REEP3: variants seen among roughly 807,000 people sequenced by gnomAD.
The protein encoded by REEP3 is receptor accessory protein 3.
Under a neutral mutation model 41.3 loss-of-function variants are expected in REEP3, and 20 were observed. The ratio of observed to expected loss-of-function variants is 0.48; its 90% CI spans 0.34 to 0.70. The LOEUF is 0.70. REEP3 is among the 30% of genes least tolerant of loss of function. The pLI is 0.01. For synonymous variants in REEP3, 104 were observed against 101.8 expected (o/e 1.02, Z -0.13); for missense variants, 271 against 308.8 (o/e 0.88, Z 0.92).
At chr10:63,542,994 G>A (rs535687328) in intron 1 of REEP3, among the ~76,000 whole-genome samples, 62 of 152,022 alleles carry the variant, frequency 4.1e-4, no homozygotes, top group African/African-American at 1.2e-3. Context: ...TTGCTGCCAC[G>A]TTTCTCTATG....
intron 5 of REEP3, among the ~76,000 whole-genome samples, chr10:63,601,761 A>G (rs1175127083): frequency 6.6e-6 from 1 of 152,062 alleles, no homozygotes; most frequent in Admixed American, 6.5e-5. Flanking sequence ...TCTACTAAAA[A>G]TTCAAAAAAA....
intron 6 of REEP3, among the ~76,000 whole-genome samples, chr10:63,613,043 C>G (rs1956287923): frequency 6.6e-6 from 1 of 151,588 alleles, no homozygotes; most frequent in Admixed American, 6.6e-5. Flanking sequence ...ATGGAGTCTA[C>G]CTCTGTCACC....
chr10:63,539,321 A>G (rs1236077766), intron 1 of REEP3, among the ~76,000 whole-genome samples: 2 of 152,352 alleles, frequency 1.3e-5, no homozygotes, highest in East Asian at 3.8e-4. Context: ...ATAAACAGGC[A>G]AAATTTTCTA....
intron 1 of REEP3, among the ~76,000 whole-genome samples, chr10:63,542,908 C>G (rs1488469177): frequency 6.6e-6 from 1 of 152,180 alleles, no homozygotes; most frequent in Non-Finnish European, 1.5e-5. Context: ...GTTCAAGGTA[C>G]AGGATGCCAC....
At position 63,594,795 on chromosome 10, in the gene REEP3, C is replaced by T. The variant is rs374797281; in HGVS notation, c.123C>T (p.Tyr41=). 3 of 1,610,316 alleles carry T rather than the reference C, an allele frequency of 1.9e-6. No homozygotes were observed. The highest frequency in any genetic ancestry group is 2.7e-5 in the African/African-American group (2 of 74,786). ...ATTTCCAGGTTCGATGGATGATGTA[C>T]TGGATTGTTTTTGCTCTCTATACTG... ...NVKEYVRWMM[Y]WIVFALYTVI... The change falls in exon 3 of 8, where the codon TAC becomes TAT. Residue 41 remains tyrosine (Y), a synonymous_variant. Coordinates refer to ENST00000373758, the MANE Select transcript of REEP3 (RefSeq NM_001001330.3).
chr10:63,556,054 C>G (rs1955675508), intron 1 of REEP3, among the ~76,000 whole-genome samples: 1 of 151,880 alleles, frequency 6.6e-6, no homozygotes, highest in Non-Finnish European at 1.5e-5. Flanking sequence ...AAAATGCTAC[C>G]TTGAAAAAAA....
At chr10:63,568,356 T>A (rs1955820045) in intron 2 of REEP3, among the ~76,000 whole-genome samples, 2 of 150,702 alleles carry the variant, frequency 1.3e-5, no homozygotes, top group South Asian at 4.2e-4. Context: ...AAGCTCTACC[T>A]CCCGGGTTCA....
At position 63,558,979 on chromosome 10, in the gene REEP3, T is replaced by C. The variant is rs561936976; in HGVS notation, c.33-7359T>C. Among the ~76,000 whole-genome samples, 105 of 152,308 alleles carry C rather than the reference T, an allele frequency of 6.9e-4. 1 individual carries two copies. Among genetic ancestry groups the C allele is most frequent in the African/African-American group, 2.4e-3 (100 of 41,576 alleles). ...TTGAGTTGTTTTTAGTCCCTTAGTC[T>C]AATAGTACACTGTAATTAATTTTTT... On this transcript the variant is annotated intron_variant, in intron 1 of 7. Coordinates refer to ENST00000373758, the MANE Select transcript of REEP3 (RefSeq NM_001001330.3).
chr10:63,565,176 C>T lies in REEP3; in HGVS notation c.33-1162C>T, dbSNP rs969144376. Among the ~76,000 whole-genome samples the T allele has an allele frequency of 1.2e-4, 18 of 152,336 alleles. 1 individual carries two copies. The highest frequency in any genetic ancestry group is 1.2e-3 in the Admixed American group (18 of 15,300). ...TCAGGAGCCTGAGGCAGGAGAATTG[C>T]TTGTCCCCAGGAGACAGAGGCTGCA... On this transcript the variant is annotated intron_variant, in intron 1 of 7. Coordinates refer to ENST00000373758, the MANE Select transcript of REEP3 (RefSeq NM_001001330.3).
intron 1 of REEP3, among the ~76,000 whole-genome samples, 175 bp from the exon 2 acceptor site, chr10:63,566,163 C>T (rs1955796863): frequency 6.6e-6 from 1 of 152,050 alleles, no homozygotes; most frequent in African/African-American, 2.4e-5. Context: ...GGATTACAGG[C>T]GTGAGCCACT....
At chr10:63,587,606 A>G (rs1209285319) in intron 2 of REEP3, among the ~76,000 whole-genome samples, 1 of 152,222 alleles carries the variant, frequency 6.6e-6, no homozygotes, top group Non-Finnish European at 1.5e-5. Context: ...CATTTCATCA[A>G]GAAGTTCTCC....
intron 2 of REEP3, among the ~76,000 whole-genome samples, chr10:63,586,648 C>A (rs768466419): frequency 4.6e-5 from 7 of 152,096 alleles, no homozygotes; most frequent in South Asian, 2.1e-4. Flanking sequence ...AAATTATAAT[C>A]TCACTTGTTA....
At chr10:63,552,597 C>A (rs1564476539) in intron 1 of REEP3, among the ~76,000 whole-genome samples, 1 of 152,166 alleles carries the variant, frequency 6.6e-6, no homozygotes, top group Non-Finnish European at 1.5e-5. Flanking sequence ...CAGAACAGTG[C>A]CCTCATGATG....
In REEP3 at chr10:63,623,938, T is replaced by C. The variant is rs546314866; in HGVS notation, c.*3069T>C. On this transcript the variant is annotated 3_prime_UTR_variant, in exon 8 of 8. Transcript: ENST00000373758. ...CAAAGATTTCTACAGTGTTATAAAGTATATAAATATTCCAAATTTCTGTGG... is the reference window on the plus strand; with the variant it reads ...CAAAGATTTCTACAGTGTTATAAAGCATATAAATATTCCAAATTTCTGTGG... The C allele has an allele frequency of 5.2e-5, 8 of 153,644 alleles. No homozygotes were observed. Among genetic ancestry groups the C allele is most frequent in the African/African-American group, 1.9e-4 (8 of 41,620 alleles). 9.5% of individuals were successfully genotyped at this position (153,644 alleles called of 1,614,324 possible).
chr10:63,590,018 C>T (rs1956046027), intron 2 of REEP3, among the ~76,000 whole-genome samples: 1 of 152,014 alleles, frequency 6.6e-6, no homozygotes, highest in Non-Finnish European at 1.5e-5. Context: ...TGGTCTGGAA[C>T]TCCTGACCTC....
chr10:63,596,071 C>T (rs1033252258), intron 3 of REEP3, among the ~76,000 whole-genome samples: 2 of 152,148 alleles, frequency 1.3e-5, no homozygotes, highest in African/African-American at 4.8e-5. Flanking sequence ...TTTTGCTCTT[C>T]TCCTGTTCAT....
intron 5 of REEP3, among the ~76,000 whole-genome samples, chr10:63,601,614 GGAT>G (rs1377642903): frequency 1.3e-5 from 2 of 152,076 alleles, no homozygotes; most frequent in African/African-American, 4.8e-5. Context: ...TGCTGCACAG[GGAT>G]GATACTAAAA....
At chr10:63,589,660 T>C (rs1029236520) in intron 2 of REEP3, among the ~76,000 whole-genome samples, 1 of 152,192 alleles carries the variant, frequency 6.6e-6, no homozygotes, top group African/African-American at 2.4e-5. Context: ...CTATACTTTA[T>C]TGGTGTTCTT....
chr10:63,622,990 C>A lies in REEP3; in HGVS notation c.*2121C>A, dbSNP rs1421469319. On this transcript the variant is annotated 3_prime_UTR_variant, in exon 8 of 8. Transcript: ENST00000373758. Reference sequence around the variant, plus strand: ...AAACTTCTGGGATTACAGGCGTGAGCCACCGCACCCAGCCACCATTTTATC... The same window carrying A: ...AAACTTCTGGGATTACAGGCGTGAGACACCGCACCCAGCCACCATTTTATC... 6.6e-6 allele frequency: 1 copy of A among 152,240 alleles called. No homozygotes were observed. Among genetic ancestry groups the A allele is most frequent in the African/African-American group, 2.4e-5 (1 of 41,462 alleles). 9.4% of individuals were successfully genotyped at this position (152,240 alleles called of 1,614,324 possible). A position where few individuals can be genotyped will look rare whatever the true frequency, so the allele number is the denominator to read the frequency against.
Sources: allele counts gnomAD v4.1 joint callset (sites outside exome capture counted in the v4.1 genomes callset), GRCh38; gene constraint gnomAD v4.1.1; transcripts MANE v1.5; gene names NCBI Gene and HGNC (gene_info 2026-07-23, HGNC 2026-07-21).